Variants in PARM1 observed in about 807,000 individuals in gnomAD.
PARM1 encodes WSC4, cell wall integrity and stress response component 4 homolog.
Under a neutral mutation model 24.6 loss-of-function variants are expected in PARM1, and 14 were observed. The observed-to-expected ratio is 0.57, with a 90% CI of 0.38 to 0.89. PARM1 has a LOEUF of 0.89. Ranked by LOEUF, PARM1 falls within the 40% of genes least tolerant of loss-of-function variation. The probability of loss-of-function intolerance (pLI) is 0.00; values close to 1 mark genes in which losing one functional copy is unlikely to be tolerated. For synonymous variants in PARM1, 179 were observed against 156.6 expected, an observed-to-expected ratio of 1.14 and a Z score of -1.07; for missense variants, 362 against 380.4, an observed-to-expected ratio of 0.95 and a Z score of 0.40.
At chr4:75,008,887 A>G (rs563230831) in intron 1 of PARM1, among the ~76,000 whole-genome samples, 2 of 151,448 alleles carry the variant, frequency 1.3e-5, no homozygotes, top group Admixed American at 1.3e-4. Flanking sequence ...CCATCTGCCT[A>G]TCTATTACAT....
chr4:74,967,860 G>T (rs1721938274), intron 1 of PARM1: 1 of 152,208 alleles, frequency 6.6e-6, no homozygotes. Context: ...CACATAGACG[G>T]ATTGTTAGCC....
intron 2 of PARM1, among the ~76,000 whole-genome samples, chr4:75,025,884 A>T (rs977435991): frequency 6.6e-6 from 1 of 152,238 alleles, no homozygotes. Flanking sequence ...TCGAATCCCA[A>T]TTCTGCCCAC....
In PARM1 at chr4:75,050,088, T is replaced by C. The variant is rs1302253255; in HGVS notation, c.*3841T>C. On this transcript the variant is annotated 3_prime_UTR_variant, in exon 4 of 4. Transcript: ENST00000307428. ...ACATATTGCATACCAATTATAATTA[T>C]ATCAATTAAAGTTGATAAAAGCTTC... 6.6e-6 allele frequency: 1 copy of C among 152,618 alleles called. No homozygotes were observed. Among genetic ancestry groups the C allele is most frequent in the Non-Finnish European group, 1.5e-5 (1 of 68,022 alleles). The allele number at this position is 152,618 out of a possible 1,614,324, so 9.5% of individuals were successfully genotyped here. A position where few individuals can be genotyped will look rare whatever the true frequency, so the allele number is the denominator to read the frequency against.
intron 2 of PARM1, among the ~76,000 whole-genome samples, chr4:75,015,130 T>C (rs182835546): frequency 6.2e-4 from 95 of 152,334 alleles, no homozygotes; most frequent in African/African-American, 2.1e-3. Context: ...AGCAGATTGA[T>C]ATTCCTGACC....
intron 1 of PARM1, among the ~76,000 whole-genome samples, chr4:74,939,047 G>A (rs72660367): frequency 0.018 from 2,664 of 152,182 alleles, 33 homozygotes; most frequent in Middle Eastern, 0.044. Flanking sequence ...CAATATTTGG[G>A]ACTTACTTAG....
rs141914080 is a variant in PARM1, at chr4:74,985,334, A to G, written c.44-27091A>G. 3.1e-3 allele frequency among the ~76,000 whole-genome samples: 479 copies of G among 152,320 alleles called. 4 individuals carry two copies. The highest frequency in any genetic ancestry group is 7.4e-3 in the Admixed American group (113 of 15,298). The stretch of plus-strand genomic sequence containing the variant: ...TACTTAATTGGCTATGTGATTAGCT[A>G]CAGAAATGGCTCAGCATCATAGGAC... On this transcript the variant is annotated intron_variant, in intron 1 of 3. Coordinates refer to ENST00000307428, the MANE Select transcript of PARM1 (RefSeq NM_015393.4).
intron 1 of PARM1, among the ~76,000 whole-genome samples, chr4:74,953,907 A>G (rs549992182): frequency 9.9e-5 from 15 of 152,236 alleles, no homozygotes; most frequent in African/African-American, 2.2e-4. Context: ...GAAGTGGCCT[A>G]TCTCTCTCTT....
At chr4:75,022,798 A>G (rs1046449973) in intron 2 of PARM1, among the ~76,000 whole-genome samples, 3 of 152,180 alleles carry the variant, frequency 2.0e-5, no homozygotes, top group Non-Finnish European at 4.4e-5. Context: ...ATAATTTGGC[A>G]GGGAAATGAG....
intron 2 of PARM1, among the ~76,000 whole-genome samples, chr4:75,021,178 G>A (rs541521861): frequency 2.6e-4 from 40 of 152,226 alleles, no homozygotes; most frequent in South Asian, 2.1e-3. Context: ...ATAAATTCAC[G>A]TATTGTGTTA....
At chr4:75,010,063 G>A (rs1014048167) in intron 1 of PARM1, among the ~76,000 whole-genome samples, 1 of 152,152 alleles carries the variant, frequency 6.6e-6, no homozygotes, top group Non-Finnish European at 1.5e-5. Flanking sequence ...CCACGTTCAT[G>A]GCAACAATAT....
chr4:74,960,109 C>T (rs1026175244), intron 1 of PARM1, among the ~76,000 whole-genome samples: 9 of 152,092 alleles, frequency 5.9e-5, no homozygotes, highest in East Asian at 1.9e-4. Flanking sequence ...CCAGGGTGAG[C>T]GAAAAGAATC....
At chr4:74,972,601 T>C (rs1355580627) in intron 1 of PARM1, among the ~76,000 whole-genome samples, 2 of 152,232 alleles carry the variant, frequency 1.3e-5, no homozygotes, top group Non-Finnish European at 2.9e-5. Flanking sequence ...TGTAAATAGC[T>C]TCTTGGAACC....
At chr4:75,032,923 G>C (rs1167541761) in intron 2 of PARM1, among the ~76,000 whole-genome samples, 4 of 152,144 alleles carry the variant, frequency 2.6e-5, no homozygotes, top group African/African-American at 9.7e-5. Flanking sequence ...TTAAGTATTA[G>C]GGGACAAGAG....
intron 1 of PARM1, among the ~76,000 whole-genome samples, chr4:74,988,413 G>A (rs1722400327): frequency 6.6e-6 from 1 of 152,220 alleles, no homozygotes; most frequent in Non-Finnish European, 1.5e-5. Flanking sequence ...GCGCGTATCA[G>A]TATACATATT....
intron 1 of PARM1, 132 bp downstream of exon 1, chr4:74,933,502 C>CGCACTT (rs1721111458): frequency 1.3e-6 from 1 of 745,670 alleles, no homozygotes; most frequent in Non-Finnish European, 2.3e-6. Context: ...CAGGTGTGTG[C>CGCACTT]GCACTTAGAT....
At chr4:74,960,033 A>G (rs1158581089) in intron 1 of PARM1, among the ~76,000 whole-genome samples, 30 of 152,186 alleles carry the variant, frequency 2.0e-4, no homozygotes, top group Non-Finnish European at 1.5e-5. Context: ...GCAGCTACCC[A>G]TTTTCCAGCC....
chr4:75,022,146 T>G (rs567415781), intron 2 of PARM1, among the ~76,000 whole-genome samples: 183 of 152,310 alleles, frequency 1.2e-3, no homozygotes, highest in African/African-American at 3.7e-3. Context: ...ATAATAGCCA[T>G]TCTGACTGGT....
At chr4:74,936,785 T>C (rs1213606958) in intron 1 of PARM1, among the ~76,000 whole-genome samples, 1 of 152,044 alleles carries the variant, frequency 6.6e-6, no homozygotes, top group Non-Finnish European at 1.5e-5. Context: ...CCTATTTATT[T>C]AAAAACTCCC....
chr4:74,940,514 G>A (rs1721282638), intron 1 of PARM1, among the ~76,000 whole-genome samples: 1 of 152,198 alleles, frequency 6.6e-6, no homozygotes, highest in South Asian at 2.1e-4. Context: ...GCAGCCCTCT[G>A]GGGCCTCTTT....
Sources: allele counts gnomAD v4.1 joint callset (sites outside exome capture counted in the v4.1 genomes callset), GRCh38; gene constraint gnomAD v4.1.1; transcripts MANE v1.5; gene names NCBI Gene and HGNC (gene_info 2026-07-23, HGNC 2026-07-21).